Variants in UBXN2A observed in about 807,000 individuals in gnomAD.
UBXN2A encodes UBX domain protein 2A.
A neutral mutation model predicts 28.4 loss-of-function variants in UBXN2A; 28 were observed. The observed-to-expected ratio is 0.99, with a 90% CI of 0.73 to 1.35. The LOEUF is 1.35. Among genes scored for constraint, UBXN2A ranks in the 40% most tolerant of loss-of-function variants. UBXN2A has a pLI of 0.00. For synonymous variants in UBXN2A, 97 were observed against 103.6 expected (o/e 0.94, Z 0.39); for missense variants, 253 against 297.9 (o/e 0.85, Z 1.11).
intron 2 of UBXN2A, among the ~76,000 whole-genome samples, chr2:23,966,746 C>T (rs1462769685): frequency 2.8e-4 from 37 of 131,060 alleles, no homozygotes; most frequent in Middle Eastern, 4.0e-3. Context: ...CCACCGCGCC[C>T]GGCCTTTTTT....
Position 24,001,317 on chromosome 2 carries a change from A to T in UBXN2A, c.*1450A>T, listed in dbSNP as rs1708720929. On this transcript the variant is annotated 3_prime_UTR_variant, in exon 7 of 7. Coordinates refer to ENST00000309033, the MANE Select transcript of UBXN2A (RefSeq NM_181713.4). Reference sequence around the variant, plus strand: ...TTTTCTGTTTCATACATCAGAGTCAACTTGTGAATACATTTAAAGATTATT... The same window carrying T: ...TTTTCTGTTTCATACATCAGAGTCATCTTGTGAATACATTTAAAGATTATT... The T allele has an allele frequency of 6.6e-6, 1 of 152,158 alleles. No individual in the cohort carries two copies. The highest frequency in any genetic ancestry group is 1.5e-5 in the Non-Finnish European group (1 of 68,036). 9.4% of individuals were successfully genotyped at this position (152,158 alleles called of 1,614,324 possible).
At chr2:23,933,854 C>T (rs1349921139) in intron 1 of UBXN2A, among the ~76,000 whole-genome samples, 1 of 152,200 alleles carries the variant, frequency 6.6e-6, no homozygotes, top group East Asian at 1.9e-4. Context: ...AGGATGCAAT[C>T]CATGGGACTG....
chr2:23,966,295 C>G (rs1707158745), intron 2 of UBXN2A, among the ~76,000 whole-genome samples: 1 of 152,004 alleles, frequency 6.6e-6, no homozygotes, highest in Non-Finnish European at 1.5e-5. Context: ...CATGCCACCA[C>G]TCCAGCTAAT....
At chr2:23,931,233 G>T (rs1314743457) in intron 1 of UBXN2A, among the ~76,000 whole-genome samples, 1 of 152,076 alleles carries the variant, frequency 6.6e-6, no homozygotes, top group African/African-American at 2.4e-5. Context: ...GATCACTTGA[G>T]GCCAGGAGTT....
intron 1 of UBXN2A, among the ~76,000 whole-genome samples, chr2:23,930,572 G>C (rs991964330): frequency 2.0e-5 from 3 of 152,178 alleles, no homozygotes; most frequent in Non-Finnish European, 4.4e-5. Flanking sequence ...ACTTGAAAAA[G>C]ATAAGGCCAA....
At chr2:23,983,253 C>A (rs1221114176) in intron 5 of UBXN2A, among the ~76,000 whole-genome samples, 1 of 152,100 alleles carries the variant, frequency 6.6e-6, no homozygotes, top group Non-Finnish European at 1.5e-5. Context: ...TGCCTGTAAT[C>A]CCAGCACTTT....
intron 3 of UBXN2A, among the ~76,000 whole-genome samples, chr2:23,974,533 A>T (rs1307552414): frequency 6.6e-6 from 1 of 150,546 alleles, no homozygotes; most frequent in Non-Finnish European, 1.5e-5. Context: ...TTTTTAGTAG[A>T]GACAGGATTT....
At position 23,982,986 on chromosome 2, in the gene UBXN2A, G is replaced by A. The variant is rs773076770; in HGVS notation, c.378G>A (p.Thr126=). The part of the protein sequence containing the change: ...EDKKNEICLS[T]KPVFQPFSGQ... Reference sequence around the variant, plus strand: ...AGAAAAATGAAATATGTTTGTCTACGAAGCCTGTGTTCCAGCCCTTTTCAG... The same window carrying A: ...AGAAAAATGAAATATGTTTGTCTACAAAGCCTGTGTTCCAGCCCTTTTCAG... Residue 126 remains threonine, a synonymous_variant, in exon 5 of 7, where the codon ACG becomes ACA. Transcript: ENST00000309033. The A allele has an allele frequency of 1.4e-5, 23 of 1,611,612 alleles. No individual in the cohort carries two copies. Among genetic ancestry groups the A allele is most frequent in the African/African-American group, 8.0e-5 (6 of 74,900 alleles).
At chr2:23,977,669 C>G (rs1241715939) in intron 4 of UBXN2A, among the ~76,000 whole-genome samples, 1 of 152,030 alleles carries the variant, frequency 6.6e-6, no homozygotes, top group Non-Finnish European at 1.5e-5. Context: ...AAAAAAACAA[C>G]GAGCTGGAAT....
intron 5 of UBXN2A, among the ~76,000 whole-genome samples, chr2:23,983,698 CAG>C (rs948554034): frequency 9.2e-5 from 14 of 151,776 alleles, no homozygotes; most frequent in Admixed American, 7.2e-4. Flanking sequence ...TTTTTTGAGA[CAG>C]AGCCTCACTT....
At chr2:23,955,522 G>T (rs1304692373) in intron 1 of UBXN2A, among the ~76,000 whole-genome samples, 1 of 152,072 alleles carries the variant, frequency 6.6e-6, no homozygotes, top group Non-Finnish European at 1.5e-5. Flanking sequence ...TTAATGAAGG[G>T]CATACATTCT....
At position 23,940,555 on chromosome 2, in the gene UBXN2A, C is replaced by T. The variant is rs1417569275; in HGVS notation, c.-108C>T. The T allele has an allele frequency of 6.6e-6, 1 of 151,380 alleles. No homozygotes were observed. The highest frequency in any genetic ancestry group is 1.5e-5 in the Non-Finnish European group (1 of 67,848). The allele number at this position is 151,380 out of a possible 1,614,324, so 9.4% of individuals were successfully genotyped here. On this transcript the variant is annotated 5_prime_UTR_variant, in exon 1 of 7. Transcript: ENST00000309033. ...GCGGTCTGGGGCGGCGGCGCTCCGG[C>T]TCTGAAGGGCTCCAGCCAAACGGAG... is the stretch of plus-strand genomic sequence containing the variant.
intron 6 of UBXN2A, among the ~76,000 whole-genome samples, chr2:23,990,907 G>A (rs938324494): frequency 6.6e-6 from 1 of 152,052 alleles, no homozygotes; most frequent in African/African-American, 2.4e-5. Context: ...AAGTAAAACT[G>A]TCCTTAAAAG....
intron 1 of UBXN2A, among the ~76,000 whole-genome samples, chr2:23,927,909 C>T (rs1705147138): frequency 6.6e-6 from 1 of 152,070 alleles, no homozygotes; most frequent in Non-Finnish European, 1.5e-5. Flanking sequence ...GGTGCGGTGG[C>T]TCAAGCCTGT....
At chr2:23,958,786 A>G (rs80070223) in intron 2 of UBXN2A, among the ~76,000 whole-genome samples, 9,829 of 152,230 alleles carry the variant, frequency 0.065, 406 homozygotes, top group African/African-American at 0.12. Context: ...TATCTCATCT[A>G]TAAAATAAGG....
chr2:23,948,673 A>G (rs1275834104), intron 1 of UBXN2A, among the ~76,000 whole-genome samples: 1 of 152,174 alleles, frequency 6.6e-6, no homozygotes, highest in Non-Finnish European at 1.5e-5. Flanking sequence ...TGTCCATGCT[A>G]TAAGTTAGGC....
At chr2:23,978,821 G>A (rs1573587575) in intron 4 of UBXN2A, among the ~76,000 whole-genome samples, 1 of 151,534 alleles carries the variant, frequency 6.6e-6, no homozygotes. Flanking sequence ...AATTAGCCAC[G>A]CATCGTGGCA....
chr2:23,963,471 CAA>C (rs563195167), intron 2 of UBXN2A, among the ~76,000 whole-genome samples: 16 of 102,248 alleles, frequency 1.6e-4, no homozygotes, highest in Non-Finnish European at 1.4e-4. Context: ...GACAGTGTCT[CAA>C]AAAAAAAAAA....
intron 6 of UBXN2A, among the ~76,000 whole-genome samples, chr2:23,990,961 A>G (rs1008070936): frequency 6.6e-6 from 1 of 151,920 alleles, no homozygotes; most frequent in African/African-American, 2.4e-5. Context: ...CAGCTTGGAT[A>G]TTTTTCCTCA....
Sources: allele counts gnomAD v4.1 joint callset (sites outside exome capture counted in the v4.1 genomes callset), GRCh38; gene constraint gnomAD v4.1.1; transcripts MANE v1.5; gene names NCBI Gene and HGNC (gene_info 2026-07-23, HGNC 2026-07-21).